The following GLYATL3 variants were observed in gnomAD, a reference collection of about 807,000 sequenced individuals.
The protein encoded by GLYATL3 is glycine-N-acyltransferase like 3.
GLYATL3 carries 31 observed loss-of-function variants against 28.5 expected under a neutral mutation model. The observed-to-expected ratio is 1.09, with a 90% CI of 0.82 to 1.47. The LOEUF is 1.47. Among genes scored for constraint, GLYATL3 ranks in the 40% most tolerant of loss-of-function variants. GLYATL3 has a pLI of 0.00. For missense variants in GLYATL3, 369 were observed against 351.5 expected, an observed-to-expected ratio of 1.05 and a Z score of -0.40; for synonymous variants, 141 against 140.2, an observed-to-expected ratio of 1.01 and a Z score of -0.04.
intron 5 of GLYATL3, among the ~76,000 whole-genome samples, chr6:49,526,030 G>T (rs368717494): frequency 2.0e-5 from 3 of 152,196 alleles, no homozygotes; most frequent in Non-Finnish European, 2.9e-5. Context: ...AACCCGGAAA[G>T]GTGTTGGTAA....
At chr6:49,525,018 T>A (rs1421259041) in intron 5 of GLYATL3, among the ~76,000 whole-genome samples, 1 of 143,198 alleles carries the variant, frequency 7.0e-6, no homozygotes, top group Non-Finnish European at 1.5e-5. Context: ...AGCATGCACA[T>A]ATGCTTGGCA....
At chr6:49,515,092 C>T (rs1769192075) in intron 2 of GLYATL3, among the ~76,000 whole-genome samples, 2 of 152,058 alleles carry the variant, frequency 1.3e-5, no homozygotes. Context: ...GCTTATAGAG[C>T]CTTGCTCCAT....
At chr6:49,524,471 TAGGCTTTCAACTA>T (rs2127240386) in intron 5 of GLYATL3, among the ~76,000 whole-genome samples, 1 of 152,328 alleles carries the variant, frequency 6.6e-6, no homozygotes, top group South Asian at 2.1e-4. Context: ...GTCAGCCTCA[TAGGCTTTCAACTA>T]AGTAATCCAT....
chr6:49,512,022 T>C lies in GLYATL3; in HGVS notation c.32T>C (p.Leu11Pro), dbSNP rs1350977652. MLVLNCSTKL[L>P]ILEKMLKSCF... ...GTGCTAAACTGTTCTACCAAATTACTGATACTGGAGAAAATGTTGAAGAGT... is the reference window on the plus strand; with the variant it reads ...GTGCTAAACTGTTCTACCAAATTACCGATACTGGAGAAAATGTTGAAGAGT... Residue 11 changes from leucine to proline, a missense_variant, in exon 2 of 6, where the codon CTG (leucine) becomes CCG (proline). Coordinates refer to ENST00000371197, the MANE Select transcript of GLYATL3 (RefSeq NM_001010904.2). 2.0e-6 allele frequency: 3 copies of C among 1,506,166 alleles called. No homozygotes were observed. Among genetic ancestry groups the C allele is most frequent in the Non-Finnish European group, 2.7e-6 (3 of 1,108,338 alleles). 93.3% of individuals were successfully genotyped at this position (1,506,166 alleles called of 1,614,324 possible). A position where few individuals can be genotyped will look rare whatever the true frequency, so the allele number is the denominator to read the frequency against.
At chr6:49,510,042 A>ATTTT (rs1769091077) in intron 1 of GLYATL3, among the ~76,000 whole-genome samples, 1 of 77,936 alleles carries the variant, frequency 1.3e-5, no homozygotes, top group Admixed American at 1.4e-4. Context: ...TTATTTATTT[A>ATTTT]TTTATTTTTT....
chr6:49,526,439 A>G lies in GLYATL3; in HGVS notation c.441-49A>G, dbSNP rs762703449. ...AAAAAAAAAATGTGTAGTTATGTAT[A>G]ACCACATGAGTCTGAGGTCCTATTT... On this transcript the variant is annotated intron_variant, in intron 5 of 5. Coordinates refer to ENST00000371197, the MANE Select transcript of GLYATL3 (RefSeq NM_001010904.2). 7 of 1,468,790 alleles carry G rather than the reference A, an allele frequency of 4.8e-6. No homozygotes were observed. In the African/African-American group the frequency reaches 7.0e-5, roughly 15 times the overall value. The allele number at this position is 1,468,790 out of a possible 1,614,324, so 91.0% of individuals were successfully genotyped here.
chr6:49,516,930 G>A (rs753550683), intron 3 of GLYATL3, among the ~76,000 whole-genome samples: 1 of 151,626 alleles, frequency 6.6e-6, no homozygotes, highest in East Asian at 2.0e-4. Flanking sequence ...GGCCTAGGCG[G>A]GCGGATCATG....
rs1165575217 is a variant in GLYATL3, at chr6:49,521,758, G to A, written c.427G>A (p.Asp143Asn). The change falls in exon 5 of 6, where the codon GAT (aspartate) becomes AAT (asparagine). Residue 143 changes from aspartate (D) to asparagine (N), a missense_variant. Physicochemically the swap from Asp to Asn is conservative, Grantham distance 23 (BLOSUM62 1). Transcript: ENST00000371197. ...VHFSPVSSLP[D>N]TSFLKGPSPR... ...TTTTTCTCCTGTTTCATCTCTGCCA[G>A]ATACCAGTTTCCTGTATGTAAACCA... The A allele has an allele frequency of 2.6e-6, 4 of 1,551,406 alleles. No individual in the cohort carries two copies. In the South Asian group the frequency reaches 4.8e-5, roughly 18 times the overall value.
intron 4 of GLYATL3, among the ~76,000 whole-genome samples, chr6:49,520,487 G>T (rs866421609): frequency 6.6e-6 from 1 of 152,180 alleles, no homozygotes; most frequent in East Asian, 1.9e-4. Flanking sequence ...GAGGAGCCAA[G>T]GCTCCGATAC....
At chr6:49,523,006 A>C (rs1769343326) in intron 5 of GLYATL3, among the ~76,000 whole-genome samples, 1 of 152,222 alleles carries the variant, frequency 6.6e-6, no homozygotes, top group South Asian at 2.1e-4. Context: ...AACACCCACT[A>C]TACGGATATT....
rs1769452037 is a variant in GLYATL3, at chr6:49,527,875, A to G, written c.*961A>G. 6.6e-6 allele frequency among the ~76,000 whole-genome samples: 1 copy of G among 152,134 alleles called. No individual in the cohort carries two copies. Among genetic ancestry groups the G allele is most frequent in the African/African-American group, 2.4e-5 (1 of 41,444 alleles). On this transcript the variant is annotated 3_prime_UTR_variant, in exon 6 of 6. Coordinates refer to ENST00000371197, the MANE Select transcript of GLYATL3 (RefSeq NM_001010904.2). ...ACTCATAGAATTTTGATAAGATAATAAATTTTAACCCTTTGATTACATATG... is the reference window on the plus strand; with the variant it reads ...ACTCATAGAATTTTGATAAGATAATGAATTTTAACCCTTTGATTACATATG...
At chr6:49,522,199 T>C (rs900826411) in intron 5 of GLYATL3, among the ~76,000 whole-genome samples, 1 of 152,136 alleles carries the variant, frequency 6.6e-6, no homozygotes, top group Non-Finnish European at 1.5e-5. Context: ...CTACATATCT[T>C]AAATATATTA....
rs185758158 is a variant in GLYATL3, at chr6:49,503,156, G to A, written c.-29+3114G>A. ...AATAGGTTGTATGAGAGGTGGTGTG[G>A]GGACATTAGCAAAGGGGGGGATATA... On this transcript the variant is annotated intron_variant, in intron 1 of 5. Transcript: ENST00000371197. Among the ~76,000 whole-genome samples the A allele has an allele frequency of 8.6e-5, 13 of 151,196 alleles. No homozygotes were observed. In the East Asian group the frequency reaches 2.4e-3, roughly 27 times the overall value.
chr6:49,515,170 G>A (rs1032215804), intron 2 of GLYATL3, among the ~76,000 whole-genome samples: 1 of 152,104 alleles, frequency 6.6e-6, no homozygotes, highest in Admixed American at 6.5e-5. Flanking sequence ...CTCTAATGAT[G>A]TCTAATTGTA....
At chr6:49,514,465 T>C (rs1221931765) in intron 2 of GLYATL3, among the ~76,000 whole-genome samples, 1 of 152,246 alleles carries the variant, frequency 6.6e-6, no homozygotes, top group Non-Finnish European at 1.5e-5. Context: ...TACCACCAAC[T>C]TTGTCCAGCT....
chr6:49,504,033 G>T (rs970002880), intron 1 of GLYATL3, among the ~76,000 whole-genome samples: 1 of 152,052 alleles, frequency 6.6e-6, no homozygotes. Context: ...GCTCGAATAA[G>T]AAGAAGAAAA....
At position 49,521,687 on chromosome 6, in the gene GLYATL3, A is replaced by C; in HGVS notation, c.356A>C (p.Asn119Thr). Residue 119 changes from asparagine to threonine, a missense_variant, in exon 5 of 6, where the codon AAT becomes ACT. Coordinates refer to ENST00000371197, the MANE Select transcript of GLYATL3 (RefSeq NM_001010904.2). ...TATGATGTTTCCAAAGCGGTTGCCAATTCAAAGCAGTTGAATATAAAGCTA... is the reference window on the plus strand; with the variant it reads ...TATGATGTTTCCAAAGCGGTTGCCACTTCAAAGCAGTTGAATATAAAGCTA... ...ELYDVSKAVA[N>T]SKQLNIKLTS... 1 of 1,550,810 alleles carries C rather than the reference A, an allele frequency of 6.4e-7. No individual in the cohort carries two copies. Among genetic ancestry groups the C allele is most frequent in the Non-Finnish European group, 8.7e-7 (1 of 1,146,178 alleles).
chr6:49,512,276 T>C (rs1373161083), intron 2 of GLYATL3, among the ~76,000 whole-genome samples: 1 of 147,288 alleles, frequency 6.8e-6, no homozygotes, highest in Non-Finnish European at 1.5e-5. Flanking sequence ...CTTTTTTTTT[T>C]TTTCTTTCTT....
rs944672023 is a variant in GLYATL3, at chr6:49,527,406, C to T, written c.*492C>T. ...GCCACCAAGTTCTCTGTAGAGTAAC[C>T]TCCTTTTTCCCCTTTAATTACTTGC... On this transcript the variant is annotated 3_prime_UTR_variant, in exon 6 of 6. Coordinates refer to ENST00000371197, the MANE Select transcript of GLYATL3 (RefSeq NM_001010904.2). Among the ~76,000 whole-genome samples the T allele has an allele frequency of 1.4e-4, 21 of 152,286 alleles. No homozygotes were observed. The highest frequency in any genetic ancestry group is 3.4e-3 in the Middle Eastern group (1 of 294).
Sources: allele counts gnomAD v4.1 joint callset (sites outside exome capture counted in the v4.1 genomes callset), GRCh38; gene constraint gnomAD v4.1.1; transcripts MANE v1.5; gene names NCBI Gene and HGNC (gene_info 2026-07-23, HGNC 2026-07-21).